Variants in TRIM2 observed in about 807,000 individuals in gnomAD.
TRIM2 encodes the protein tripartite motif-containing protein 2.
A neutral mutation model predicts 75.2 loss-of-function variants in TRIM2; 20 were observed. That is an observed-to-expected ratio of 0.27 (90% CI 0.19 to 0.39). The LOEUF (loss-of-function observed/expected upper bound fraction) is 0.39. TRIM2 is among the 10% of genes least tolerant of loss of function. The pLI, the probability that TRIM2 is intolerant of heterozygous loss-of-function variation, is 1.00. For missense variants in TRIM2, 660 were observed against 990.8 expected (o/e 0.67, Z 4.48); for synonymous variants, 373 against 388.3 (o/e 0.96, Z 0.46).
chr4:153,276,208 T>A (rs1207750036), intron 3 of TRIM2, 78 bp downstream of exon 3: 1 of 1,225,138 alleles, frequency 8.2e-7, no homozygotes, highest in East Asian at 2.3e-5. Flanking sequence ...ACATCAGAGA[T>A]TACAGATTGA....
chr4:153,263,369 A>G (rs114992789), intron 1 of TRIM2, among the ~76,000 whole-genome samples: 2,448 of 152,264 alleles, frequency 0.016, 61 homozygotes, highest in African/African-American at 0.056. Context: ...GGAAGCAGGT[A>G]ATGTCCAAGG....
upstream of TRIM2, among the ~76,000 whole-genome samples, chr4:153,199,782 T>C (rs1364811887): frequency 6.6e-6 from 1 of 152,068 alleles, no homozygotes; most frequent in Non-Finnish European, 1.5e-5. Flanking sequence ...ATTTTTATCA[T>C]ATTTTTTAAG....
intron 1 of TRIM2, among the ~76,000 whole-genome samples, chr4:153,214,814 G>A (rs1027007011): frequency 2.6e-5 from 4 of 152,150 alleles, no homozygotes; most frequent in African/African-American, 7.2e-5. Context: ...GTTTTGACAA[G>A]CATACTAGGT....
chr4:153,333,223 G>A (rs1771882559), intron 11 of TRIM2, among the ~76,000 whole-genome samples: 1 of 152,082 alleles, frequency 6.6e-6, no homozygotes, highest in Admixed American at 6.5e-5. Flanking sequence ...ATTTTCAGAA[G>A]GTTACATACT....
chr4:153,321,886 G>A (rs924989563), intron 8 of TRIM2, among the ~76,000 whole-genome samples: 21 of 152,216 alleles, frequency 1.4e-4, no homozygotes, highest in Non-Finnish European at 2.6e-4. Flanking sequence ...AGGAGTTGTC[G>A]AGTTGTCATT....
chr4:153,164,066 G>A (rs571567694), intron 1 of TRIM2, among the ~76,000 whole-genome samples: 5 of 152,220 alleles, frequency 3.3e-5, no homozygotes, highest in South Asian at 2.1e-4. Flanking sequence ...ACTTCTCCCC[G>A]AAAAGAAGCA....
At chr4:153,236,658 T>TTTTTCTTTTC (rs142215104) in intron 1 of TRIM2, among the ~76,000 whole-genome samples, 13,118 of 149,524 alleles carry the variant, frequency 0.088, 682 homozygotes, top group African/African-American at 0.15. Flanking sequence ...GGATTGTGTC[T>TTTTTCTTTTC]TTTTCTTTTC....
intron 8 of TRIM2, among the ~76,000 whole-genome samples, chr4:153,321,927 T>G (rs1052197988): frequency 6.6e-6 from 1 of 152,174 alleles, no homozygotes; most frequent in Non-Finnish European, 1.5e-5. Context: ...ATAAGGAATC[T>G]GAAGTTTAAG....
chr4:153,250,320 A>T (rs961881571), intron 1 of TRIM2, among the ~76,000 whole-genome samples: 23 of 152,116 alleles, frequency 1.5e-4, no homozygotes, highest in Admixed American at 5.9e-4. Context: ...GGGTTTTGCC[A>T]TGTTGACCAG....
chr4:153,288,309 C>T (rs775573345), intron 3 of TRIM2, among the ~76,000 whole-genome samples: 4 of 152,012 alleles, frequency 2.6e-5, no homozygotes, highest in Non-Finnish European at 4.4e-5. Flanking sequence ...TGGTGGCGCG[C>T]ACCTGTAATC....
At chr4:153,324,019 T>A (rs1769575964) in intron 9 of TRIM2, 59 bp from the exon 10 acceptor site, 1 of 1,320,964 alleles carries the variant, frequency 7.6e-7, no homozygotes, top group South Asian at 1.2e-5. Flanking sequence ...TTACAGTAAC[T>A]GCTATATGTA....
chr4:153,193,127 CTTTTTTTTTTT>C (rs141233060), intron 1 of TRIM2, among the ~76,000 whole-genome samples: 1 of 106,732 alleles, frequency 9.4e-6, no homozygotes, highest in Non-Finnish European at 1.8e-5. Context: ...AGTGAATAAT[CTTTTTTTTTTT>C]TTTTTTTTTT....
At chr4:153,262,546 C>T (rs990135031) in intron 1 of TRIM2, among the ~76,000 whole-genome samples, 2 of 151,998 alleles carry the variant, frequency 1.3e-5, no homozygotes, top group African/African-American at 4.8e-5. Context: ...TTTATTTATT[C>T]AATAAAATCC....
chr4:153,296,252 T>G (rs1403047970), intron 6 of TRIM2, among the ~76,000 whole-genome samples: 1 of 152,224 alleles, frequency 6.6e-6, no homozygotes, highest in Non-Finnish European at 1.5e-5. Context: ...GTCTCCTCCC[T>G]ACTCCCTCCT....
intron 1 of TRIM2, among the ~76,000 whole-genome samples, chr4:153,183,771 C>G (rs993586363): frequency 6.6e-6 from 1 of 152,112 alleles, no homozygotes; most frequent in Non-Finnish European, 1.5e-5. Context: ...AGAAAGAGCC[C>G]AGGGGACCCA....
At chr4:153,216,186 C>T (rs969844042) in intron 1 of TRIM2, among the ~76,000 whole-genome samples, 1 of 152,124 alleles carries the variant, frequency 6.6e-6, no homozygotes, top group African/African-American at 2.4e-5. Flanking sequence ...TGACCTGGAG[C>T]CTCTATTGAG....
chr4:153,242,120 C>CTTTT, intron 1 of TRIM2, among the ~76,000 whole-genome samples: 1 of 152,270 alleles, frequency 6.6e-6, no homozygotes, highest in Admixed American at 6.5e-5. Flanking sequence ...AATCTGTGTG[C>CTTTT]TTTTATCACT....
At chr4:153,251,842 A>T (rs1321399585) in intron 1 of TRIM2, among the ~76,000 whole-genome samples, 1 of 151,998 alleles carries the variant, frequency 6.6e-6, no homozygotes, top group African/African-American at 2.4e-5. Context: ...TTAACTTAGC[A>T]TGGTGGTACA....
intron 3 of TRIM2, among the ~76,000 whole-genome samples, chr4:153,280,674 C>A (rs531509534): frequency 4.8e-4 from 71 of 147,714 alleles, no homozygotes; most frequent in Non-Finnish European, 9.6e-4. Context: ...CCACTATGTC[C>A]AGCCCACCAG....
Sources: allele counts gnomAD v4.1 joint callset (sites outside exome capture counted in the v4.1 genomes callset), GRCh38; gene constraint gnomAD v4.1.1; transcripts MANE v1.5; gene names NCBI Gene and HGNC (gene_info 2026-07-23, HGNC 2026-07-21).